FAM237A: variants seen among roughly 807,000 people sequenced by gnomAD.
The protein encoded by FAM237A is protein FAM237A.
FAM237A carries 14 observed loss-of-function variants against 12.5 expected under a neutral mutation model. That is an observed-to-expected ratio of 1.12 (90% CI 0.74 to 1.75). FAM237A has a LOEUF of 1.75. FAM237A is among the 40% of genes most tolerant of loss of function. The probability of loss-of-function intolerance (pLI) is 0.00; values close to 1 mark genes in which losing one functional copy is unlikely to be tolerated. For synonymous variants in FAM237A, 85 were observed against 77.5 expected, an observed-to-expected ratio of 1.10 and a Z score of -0.51; for missense variants, 240 against 211.7, an observed-to-expected ratio of 1.13 and a Z score of -0.83.
rs199542957 is a variant in FAM237A, at chr2:206,644,418, G to A, written c.182G>A (p.Trp61Ter). 129 of 1,613,682 alleles carry A rather than the reference G, an allele frequency of 8.0e-5. 1 individual carries two copies. Among genetic ancestry groups the A allele is most frequent in the Non-Finnish European group, 1.1e-4 (124 of 1,179,828 alleles). The stretch of plus-strand genomic sequence containing the variant: ...TCCTCAGTGCTTCTCCTGGAAATGT[G>A]GAAACCTCGCGTTTCCAACACTGTT... ...ESSSVLLLEMWKPRVSNTVSG... is the reference protein window; with the variant it reads ...ESSSVLLLEM The change falls in exon 2 of 3, where the codon TGG becomes TAG. Residue 61 changes from tryptophan to a stop codon, truncating the protein, a stop_gained. Transcript: ENST00000441223. LOFTEE classifies it high-confidence loss of function.
At position 206,649,052 on chromosome 2, in the gene FAM237A, A is replaced by G. The variant is rs550225477; in HGVS notation, c.*258A>G. On this transcript the variant is annotated 3_prime_UTR_variant, in exon 3 of 3. Coordinates refer to ENST00000441223, the MANE Select transcript of FAM237A (RefSeq NM_001102659.3). ...TAAAGGAGTTAAATAACTTCCAGAG[A>G]TGACTTGAGGATTCTTTGTATTCAT... is the stretch of plus-strand genomic sequence containing the variant. 1.4e-4 allele frequency: 26 copies of G among 185,828 alleles called. No homozygotes were observed. Among genetic ancestry groups the G allele is most frequent in the Non-Finnish European group, 2.3e-4 (21 of 91,090 alleles). The allele number at this position is 185,828 out of a possible 1,614,324, so 11.5% of individuals were successfully genotyped here.
At chr2:206,645,342 GA>G (rs1286994980) in intron 2 of FAM237A, among the ~76,000 whole-genome samples, 6 of 152,218 alleles carry the variant, frequency 3.9e-5, no homozygotes, top group East Asian at 3.9e-4. Flanking sequence ...TGAGGGTACA[GA>G]AAAAAAGTCC....
chr2:206,648,358 T>A (rs1249672713), intron 2 of FAM237A, among the ~76,000 whole-genome samples: 4 of 152,134 alleles, frequency 2.6e-5, no homozygotes, highest in Non-Finnish European at 5.9e-5. Context: ...TTCATATTTC[T>A]ATATAAAAAT....
At chr2:206,646,370 A>G (rs749944122) in intron 2 of FAM237A, among the ~76,000 whole-genome samples, 5 of 152,130 alleles carry the variant, frequency 3.3e-5, no homozygotes, top group Non-Finnish European at 7.4e-5. Context: ...TCTATCTTGC[A>G]CTTACTTTGA....
chr2:206,646,449 T>C (rs1699318609), intron 2 of FAM237A, among the ~76,000 whole-genome samples: 1 of 152,200 alleles, frequency 6.6e-6, no homozygotes, highest in Admixed American at 6.5e-5. Context: ...CAAAAAGTTA[T>C]ATATATACTT....
At chr2:206,647,662 CACACAG>C (rs1322336505) in intron 2 of FAM237A, among the ~76,000 whole-genome samples, 427 of 150,790 alleles carry the variant, frequency 2.8e-3, no homozygotes, top group African/African-American at 9.9e-3. Flanking sequence ...CACACACACA[CACACAG>C]AGAGAGTGTG....
rs1210041741 is a variant in FAM237A, at chr2:206,642,596, A to G, written c.-11+14A>G. ...CCGAGTCAGGAGGTGAGTGGGGCCC[A>G]AAGGACAGAGTGGGTCCCTGGCAGC... is the stretch of plus-strand genomic sequence containing the variant. On this transcript the variant is annotated intron_variant, in intron 1 of 2. Transcript: ENST00000441223. This position sits in a 1 kb window ranked among gnomAD's most constrained non-coding sequence, Gnocchi z 5.1. The G allele has an allele frequency of 4.6e-5, 7 of 152,950 alleles. No homozygotes were observed. 9.5% of individuals were successfully genotyped at this position (152,950 alleles called of 1,614,324 possible). A position where few individuals can be genotyped will look rare whatever the true frequency, so the allele number is the denominator to read the frequency against.
intron 2 of FAM237A, among the ~76,000 whole-genome samples, chr2:206,647,582 T>C (rs1356923877): frequency 6.6e-6 from 1 of 151,452 alleles, no homozygotes; most frequent in African/African-American, 2.4e-5. Flanking sequence ...CACTAAATTT[T>C]GATGGGTTAT....
rs948646532 is a variant in FAM237A at position 206,649,232 on chromosome 2, A to G, written c.*438A>G. Among the ~76,000 whole-genome samples, 5 of 152,180 alleles carry G rather than the reference A, an allele frequency of 3.3e-5. No individual in the cohort carries two copies. The highest frequency in any genetic ancestry group is 1.2e-4 in the African/African-American group (5 of 41,450). On this transcript the variant is annotated 3_prime_UTR_variant, in exon 3 of 3. Coordinates refer to ENST00000441223, the MANE Select transcript of FAM237A (RefSeq NM_001102659.3). Reference sequence around the variant, plus strand: ...ATTTTGGAATTACTAGTTACTGACAATCTATGATATCTGAATCTTGTTTGA... The same window carrying G: ...ATTTTGGAATTACTAGTTACTGACAGTCTATGATATCTGAATCTTGTTTGA...
intron 2 of FAM237A, among the ~76,000 whole-genome samples, chr2:206,647,084 T>C (rs1252720860): frequency 6.6e-6 from 1 of 152,236 alleles, no homozygotes; most frequent in Admixed American, 6.5e-5. Flanking sequence ...AACTCCTATG[T>C]AATTTTGCAT....
chr2:206,647,671 AGAGT>A (rs1288649679), intron 2 of FAM237A, among the ~76,000 whole-genome samples: 1 of 122,244 alleles, frequency 8.2e-6, no homozygotes, highest in Admixed American at 8.1e-5. Flanking sequence ...ACACACAGAG[AGAGT>A]GTGTGTTAGG....
rs1278995648 is a variant in FAM237A at position 206,648,436 on chromosome 2, A to G, written c.413-225A>G. 2.6e-5 allele frequency among the ~76,000 whole-genome samples: 4 copies of G among 152,216 alleles called. No homozygotes were observed. In the East Asian group the frequency reaches 7.7e-4, roughly 29 times the overall value. On this transcript the variant is annotated intron_variant, in intron 2 of 2. Coordinates refer to ENST00000441223, the MANE Select transcript of FAM237A (RefSeq NM_001102659.3). ...AATGCCTATTAATTGACAAAAATGT[A>G]CTTATTATAATGTATTTGTTTTAGA... is the stretch of plus-strand genomic sequence containing the variant.
chr2:206,647,895 A>G (rs959817428), intron 2 of FAM237A, among the ~76,000 whole-genome samples: 4 of 152,162 alleles, frequency 2.6e-5, no homozygotes, highest in Non-Finnish European at 5.9e-5. Context: ...TATGTTCTAG[A>G]AAAATAGTGA....
chr2:206,647,843 T>C (rs1472583110), intron 2 of FAM237A, among the ~76,000 whole-genome samples: 3 of 152,184 alleles, frequency 2.0e-5, no homozygotes, highest in Non-Finnish European at 2.9e-5. Context: ...GCTCTGCCAC[T>C]GGGAGGGACA....
chr2:206,645,202 GC>G (rs1699303345), intron 2 of FAM237A, among the ~76,000 whole-genome samples: 2 of 152,156 alleles, frequency 1.3e-5, no homozygotes, highest in Admixed American at 1.3e-4. Flanking sequence ...ACTTCATGTT[GC>G]TTTTTGAATG....
chr2:206,643,440 T>A (rs1254618952), intron 1 of FAM237A: 1 of 152,188 alleles, frequency 6.6e-6, no homozygotes, highest in Non-Finnish European at 1.5e-5. Context: ...AAGAACAATT[T>A]CAAAGTGGTA....
At chr2:206,646,744 A>G (rs549067038) in intron 2 of FAM237A, among the ~76,000 whole-genome samples, 1 of 152,374 alleles carries the variant, frequency 6.6e-6, no homozygotes, top group South Asian at 2.1e-4. Flanking sequence ...AAATAGTTAC[A>G]GGAACATTGA....
intron 1 of FAM237A, 136 bp from the exon 2 acceptor site, chr2:206,644,091 C>A: frequency 1.2e-6 from 1 of 830,108 alleles, no homozygotes; most frequent in Non-Finnish European, 1.8e-6. Context: ...GATATGGGAG[C>A]TTGGCTAAGA....
rs1574581653 is a variant in FAM237A at position 206,648,773 on chromosome 2, C to T, written c.525C>T (p.Asn175=). The T allele has an allele frequency of 3.3e-6, 5 of 1,536,302 alleles. No homozygotes were observed. In the East Asian group the frequency reaches 1.2e-4, roughly 38 times the overall value. Residue 175 remains asparagine (N), a synonymous_variant, in exon 3 of 3, where the codon AAC becomes AAT. Coordinates refer to ENST00000441223, the MANE Select transcript of FAM237A (RefSeq NM_001102659.3). ...GGTCTAGTGTCATTGGAAAAGTGAA[C>T]CTGGAAATAAAGAGAAAATAAATTG... ...RSGSSVIGKV[N]LEIKRK
Sources: gnomAD v4.1 joint callset for allele counts (sites outside exome capture counted in the v4.1 genomes callset) on GRCh38, gnomAD v4.1.1 for gene constraint, Gnocchi (gnomAD v3.1) non-coding constraint, MANE v1.5 for transcripts, NCBI Gene and HGNC (gene_info 2026-07-23, HGNC 2026-07-21) for gene names.